Variants in GRIA4 observed in about 807,000 individuals in gnomAD.
GRIA4 encodes glutamate ionotropic receptor AMPA type subunit 4.
A neutral mutation model predicts 104.0 loss-of-function variants in GRIA4; 34 were observed. The observed-to-expected ratio is 0.33, with a 90% confidence interval of 0.25 to 0.44. GRIA4 has a LOEUF of 0.44. GRIA4 is among the 20% of genes least tolerant of loss of function. GRIA4 has a pLI of 1.00. For synonymous variants in GRIA4, 386 were observed against 381.9 expected, an observed-to-expected ratio of 1.01 and a Z score of -0.13; for missense variants, 750 against 1,096.5, an observed-to-expected ratio of 0.68 and a Z score of 4.46.
chr11:105,685,832 C>T (rs952102973), intron 3 of GRIA4, among the ~76,000 whole-genome samples: 2 of 151,674 alleles, frequency 1.3e-5, no homozygotes, highest in African/African-American at 2.4e-5. Flanking sequence ...AAAAAGTCAA[C>T]AGTAGCCTGA....
chr11:105,858,566 T>G (rs1340330797), intron 4 of GRIA4, among the ~76,000 whole-genome samples: 1 of 152,124 alleles, frequency 6.6e-6, no homozygotes, highest in Non-Finnish European at 1.5e-5. Flanking sequence ...ATTGTTGACT[T>G]TAGTCACCCT....
intron 3 of GRIA4, among the ~76,000 whole-genome samples, chr11:105,701,379 T>C (rs962604101): frequency 6.6e-6 from 1 of 152,188 alleles, no homozygotes; most frequent in African/African-American, 2.4e-5. Flanking sequence ...TGGGATAGGA[T>C]ATGTCTTCAT....
intron 14 of GRIA4, among the ~76,000 whole-genome samples, chr11:105,951,132 C>G (rs2136240744): frequency 6.6e-6 from 1 of 152,144 alleles, no homozygotes; most frequent in East Asian, 1.9e-4. Flanking sequence ...TAGGAGTCAG[C>G]AAAGAATGGG....
chr11:105,753,058 T>C lies in GRIA4; in HGVS notation c.325T>C (p.Phe109Leu), dbSNP rs1198034944. Residue 109 changes from phenylalanine to leucine, a missense_variant, in exon 4 of 17, where the codon TTC (phenylalanine) becomes CTC (leucine). Around this residue, in one of 3 missense-constraint regions of GRIA4, gnomAD observed 410 missense variants for 502.7 expected, o/e 0.82. Transcript: ENST00000282499. ...GAGGTCGGTACATACCTTGACCTCATTCTGCAGCGCCTTACATATCTCCCT... is the reference window on the plus strand; with the variant it reads ...GAGGTCGGTACATACCTTGACCTCACTCTGCAGCGCCTTACATATCTCCCT... ...DKRSVHTLTS[F>L]CSALHISLIT... The C allele has an allele frequency of 1.9e-6, 3 of 1,613,776 alleles. No homozygotes were observed. The highest frequency in any genetic ancestry group is 2.5e-6 in the Non-Finnish European group (3 of 1,179,868).
chr11:105,762,233 AG>A (rs1940694186), intron 4 of GRIA4, among the ~76,000 whole-genome samples: 1 of 152,116 alleles, frequency 6.6e-6, no homozygotes, highest in Non-Finnish European at 1.5e-5. Context: ...CATGTTGGCC[AG>A]GCTGGTCTCA....
At chr11:105,743,319 A>T (rs1189872691) in intron 3 of GRIA4, among the ~76,000 whole-genome samples, 2 of 152,216 alleles carry the variant, frequency 1.3e-5, no homozygotes, top group South Asian at 2.1e-4. Context: ...TCTCCCAGAC[A>T]ACTCAGGGAC....
chr11:105,949,017 T>C (rs768443932), intron 14 of GRIA4, among the ~76,000 whole-genome samples: 37 of 152,314 alleles, frequency 2.4e-4, no homozygotes, highest in South Asian at 6.2e-4. Flanking sequence ...TCCCTTGATA[T>C]TAACAACAAA....
At chr11:105,709,480 A>G (rs936761748) in intron 3 of GRIA4, among the ~76,000 whole-genome samples, 1 of 152,168 alleles carries the variant, frequency 6.6e-6, no homozygotes, top group African/African-American at 2.4e-5. Flanking sequence ...ATATAGTCTC[A>G]AAGCATTTCT....
At chr11:105,895,252 C>CGTGTGTGTGTGTGT (rs59472131) in intron 6 of GRIA4, among the ~76,000 whole-genome samples, 4,240 of 148,826 alleles carry the variant, frequency 0.028, 64 homozygotes, top group Admixed American at 0.035. Context: ...CGAGCTCATG[C>CGTGTGTGTGTGTGT]GTGTGTGTGT....
At chr11:105,808,027 G>T (rs1321598612) in intron 4 of GRIA4, among the ~76,000 whole-genome samples, 3 of 151,706 alleles carry the variant, frequency 2.0e-5, no homozygotes, top group Non-Finnish European at 4.4e-5. Context: ...ATAGAAAATA[G>T]CTATTTCTAA....
intron 4 of GRIA4, among the ~76,000 whole-genome samples, chr11:105,848,828 G>A (rs1944690288): frequency 6.6e-6 from 1 of 152,158 alleles, no homozygotes; most frequent in Admixed American, 6.5e-5. Flanking sequence ...ATGTGGTTGT[G>A]TGGAGAGTGC....
intron 3 of GRIA4, among the ~76,000 whole-genome samples, chr11:105,657,527 A>C (rs1242100293): frequency 6.6e-6 from 1 of 152,024 alleles, no homozygotes; most frequent in Non-Finnish European, 1.5e-5. Context: ...CCTTAGTGTT[A>C]CTGGTTGAGA....
At chr11:105,661,377 C>T (rs968143646) in intron 3 of GRIA4, among the ~76,000 whole-genome samples, 4 of 151,376 alleles carry the variant, frequency 2.6e-5, no homozygotes, top group Non-Finnish European at 5.9e-5. Context: ...CTAGAAATTG[C>T]TCTAGATTGA....
chr11:105,964,110 TA>T (rs1392913314), intron 14 of GRIA4, among the ~76,000 whole-genome samples: 1 of 151,918 alleles, frequency 6.6e-6, no homozygotes, highest in South Asian at 2.1e-4. Flanking sequence ...GCAGAATTTT[TA>T]AAAAAATAGA....
chr11:105,676,918 G>A (rs1445609), intron 3 of GRIA4, among the ~76,000 whole-genome samples: 149,555 of 151,840 alleles, frequency 0.98, 73,693 homozygotes, highest in Middle Eastern at 1. Context: ...TTATATCTTA[G>A]CAGAAGTTTT....
chr11:105,877,954 GGT>G (rs1354233318), intron 5 of GRIA4, among the ~76,000 whole-genome samples: 3 of 152,154 alleles, frequency 2.0e-5, no homozygotes, highest in African/African-American at 7.2e-5. Flanking sequence ...TTACCTTGCT[GGT>G]GAGGATTTGT....
chr11:105,622,044 C>T (rs1224593536), intron 3 of GRIA4, among the ~76,000 whole-genome samples: 1 of 151,698 alleles, frequency 6.6e-6, no homozygotes, highest in Non-Finnish European at 1.5e-5. Flanking sequence ...GAGTGTTTTA[C>T]ATACTATAGA....
In GRIA4 at chr11:105,974,376, G is replaced by A. The variant is rs775130961; in HGVS notation, c.2476G>A (p.Gly826Ser). 2 of 1,613,940 alleles carry A rather than the reference G, an allele frequency of 1.2e-6. No homozygotes were observed. Among genetic ancestry groups the A allele is most frequent in the Non-Finnish European group, 1.7e-6 (2 of 1,179,878 alleles). Residue 826 changes from glycine to serine, a missense_variant, in exon 16 of 17, where the codon GGC becomes AGC. Gly to Ser is a moderately conservative substitution (Grantham distance 56). Coordinates refer to ENST00000282499, the MANE Select transcript of GRIA4 (RefSeq NM_000829.4). ...GVFYILVGGLGLAMLVALIEF... is the reference protein window; with the variant it reads ...GVFYILVGGLSLAMLVALIEF... ...CTTCTACATTCTGGTTGGCGGCTTG[G>A]GCTTGGCAATGCTGGTGGCTTTGAT... is the stretch of plus-strand genomic sequence containing the variant.
intron 16 of GRIA4, among the ~76,000 whole-genome samples, chr11:105,977,700 G>T (rs975713838): frequency 6.6e-5 from 10 of 151,928 alleles, no homozygotes; most frequent in African/African-American, 2.4e-4. Context: ...ACATTTTGTT[G>T]CTAGATTTTC....
Sources: allele counts gnomAD v4.1 joint callset (sites outside exome capture counted in the v4.1 genomes callset), GRCh38; gene constraint gnomAD v4.1.1; regional missense constraint gnomAD v4.1.1; transcripts MANE v1.5; gene names NCBI Gene and HGNC (gene_info 2026-07-23, HGNC 2026-07-21).